Variants in ZNF446 observed in about 807,000 individuals in gnomAD.
The protein encoded by ZNF446 is zinc finger protein with KRAB and SCAN domains 20.
ZNF446 carries 42 observed loss-of-function variants against 34.0 expected under a neutral mutation model. The ratio of observed to expected loss-of-function variants is 1.23; its 90% CI spans 0.96 to 1.60. The LOEUF is 1.60. ZNF446 is among the 40% of genes most tolerant of loss of function. The pLI is 0.00. For missense variants in ZNF446, 650 were observed against 600.2 expected, an observed-to-expected ratio of 1.08 and a Z score of -0.87; for synonymous variants, 315 against 251.0, an observed-to-expected ratio of 1.25 and a Z score of -2.41.
At chr19:58,482,344 C>G (rs2122455024), downstream of ZNF446, among the ~76,000 whole-genome samples, 1 of 152,278 alleles carries the variant, frequency 6.6e-6, no homozygotes. Flanking sequence ...CACACTTAGT[C>G]ACACCGCAGA....
At chr19:58,481,349 T>A (rs2053138841), downstream of ZNF446, 1 of 152,780 alleles carries the variant, frequency 6.5e-6, no homozygotes, top group African/African-American at 2.4e-5. Flanking sequence ...GCCAAACCTC[T>A]GTTGCCACAG....
At chr19:58,481,768 T>TA (rs957913314), downstream of ZNF446, among the ~76,000 whole-genome samples, 1 of 151,146 alleles carries the variant, frequency 6.6e-6, no homozygotes, top group African/African-American at 2.4e-5. Flanking sequence ...CCCACTGGGC[T>TA]AAAATCAAGG....
At position 58,478,197 on chromosome 19, in the gene ZNF446, T is replaced by C. The variant is rs1365720226; in HGVS notation, c.627+16T>C. The C allele has an allele frequency of 6.2e-7, 1 of 1,611,730 alleles. No individual in the cohort carries two copies. The highest frequency in any genetic ancestry group is 8.5e-7 in the Non-Finnish European group (1 of 1,178,624). On this transcript the variant is annotated intron_variant, in intron 4 of 6. Coordinates refer to ENST00000594369, the MANE Select transcript of ZNF446 (RefSeq NM_017908.4). Reference sequence around the variant, plus strand: ...CAGGATTCAGGTGAGCAGCCCCAAGTGGGAAGTATAGGCCCCAGGTGTGAG... The same window carrying C: ...CAGGATTCAGGTGAGCAGCCCCAAGCGGGAAGTATAGGCCCCAGGTGTGAG...
chr19:58,477,261 CCA>C lies in ZNF446; in HGVS notation c.44_45del (p.Pro15ArgfsTer5). On this transcript the variant is annotated frameshift_variant, in exon 2 of 7. Transcript: ENST00000594369. LOFTEE classifies it high-confidence loss of function. ...TCCCCCATGCCTGCCCGTCATGGAC[CCA>C]GAGACCACCCTTGAGGAGCCTGAGA... ...LGPPCLPVMD[P>X]ETTLEEPETA... is the part of the protein sequence containing the mutation. The C allele has an allele frequency of 6.2e-7, 1 of 1,604,364 alleles. No individual in the cohort carries two copies. The highest frequency in any genetic ancestry group is 1.1e-5 in the South Asian group (1 of 90,382).
rs150315167 is a variant in ZNF446 at position 58,477,509 on chromosome 19, C to T, written c.291C>T (p.Ala97=). The T allele has an allele frequency of 8.7e-6, 14 of 1,612,976 alleles. No individual in the cohort carries two copies. Among genetic ancestry groups the T allele is most frequent in the African/African-American group, 2.7e-5 (2 of 74,938 alleles). Residue 97 remains alanine (A), a synonymous_variant, in exon 2 of 7, where the codon GCC becomes GCT. Coordinates refer to ENST00000594369, the MANE Select transcript of ZNF446 (RefSeq NM_017908.4). ...AGCGGCCAGGCAGTCCTGAGGAGGC[C>T]GCTGCCCTAGTCGAAGGACTGCAGC... ...RGQRPGSPEE[A]AALVEGLQHD... is the part of the protein sequence containing the mutation.
the ZNF446 span, among the ~76,000 whole-genome samples, chr19:58,488,286 G>A: frequency 2.1e-5 from 3 of 140,724 alleles, no homozygotes; most frequent in East Asian, 2.2e-4. Flanking sequence ...TGCCTTGCTC[G>A]TGGCCACACA....
intron 1 of ZNF446, 84 bp from the exon 2 acceptor site, chr19:58,477,095 C>T (rs533828893): frequency 2.4e-6 from 2 of 841,308 alleles, no homozygotes; most frequent in East Asian, 4.9e-5. Flanking sequence ...TGGTCCTGGT[C>T]TCAGCCCCCT....
chr19:58,482,725 C>T (rs181178765), downstream of ZNF446, among the ~76,000 whole-genome samples: 6 of 152,262 alleles, frequency 3.9e-5, no homozygotes, highest in East Asian at 1.9e-4. Context: ...TGCAGGGCTC[C>T]GGAAGCAGGG....
rs762853778 is a variant in ZNF446, at chr19:58,480,465, G to T, written c.1092G>T (p.Gly364=). The T allele has an allele frequency of 9.8e-5, 158 of 1,612,830 alleles. 1 individual carries two copies. The highest frequency in any genetic ancestry group is 1.3e-4 in the Non-Finnish European group (150 of 1,179,972). The change falls in exon 7 of 7, where the codon GGG becomes GGT. Residue 364 remains glycine (G), a synonymous_variant. Coordinates refer to ENST00000594369, the MANE Select transcript of ZNF446 (RefSeq NM_017908.4). This position sits in a 1 kb window ranked among gnomAD's most constrained non-coding sequence, Gnocchi z 7.2. ...HTSGPGVQSP[G]LATGESTEKP... is the part of the protein sequence containing the mutation. ...GTGGGCCAGGTGTGCAGTCCCCGGG[G>T]CTAGCCACCGGGGAAAGCACAGAGA...
Position 58,479,909 on chromosome 19 carries a change from CTG to C in ZNF446, c.713-18_713-17del. The stretch of plus-strand genomic sequence containing the variant: ...TCCTTCATGCAAACCCCATGCCTAA[CTG>C]TGCCCCCCACCCGGGCAGGGTTACC... On this transcript the variant is annotated intron_variant, in intron 5 of 6. Coordinates refer to ENST00000594369, the MANE Select transcript of ZNF446 (RefSeq NM_017908.4). 6.4e-7 allele frequency: 1 copy of C among 1,550,570 alleles called. No individual in the cohort carries two copies. Among genetic ancestry groups the C allele is most frequent in the Non-Finnish European group, 8.7e-7 (1 of 1,148,816 alleles).
At chr19:58,486,863 T>C in the ZNF446 span, among the ~76,000 whole-genome samples, 5 of 150,264 alleles carry the variant, frequency 3.3e-5, no homozygotes, top group African/African-American at 7.4e-5. Flanking sequence ...AGTGCAGTGG[T>C]GCGATCTTGG....
rs1439075621 is a variant in ZNF446 at position 58,480,649 on chromosome 19, A to C, written c.1276A>C (p.Ser426Arg). 5.0e-6 allele frequency: 8 copies of C among 1,611,568 alleles called. No individual in the cohort carries two copies. The highest frequency in any genetic ancestry group is 5.9e-6 in the Non-Finnish European group (7 of 1,179,770). ...SHTGQRRHFC[S>R]DCGRAFDWKS... The stretch of plus-strand genomic sequence containing the variant: ...CACAGGCCAGCGGCGTCACTTCTGC[A>C]GTGACTGTGGCCGCGCCTTCGACTG... The change falls in exon 7 of 7, where the codon AGT becomes CGT. Residue 426 changes from serine to arginine, a missense_variant. Ser to Arg is a moderately radical substitution (Grantham distance 110). Transcript: ENST00000594369. This position sits in a 1 kb window ranked among gnomAD's most constrained non-coding sequence, Gnocchi z 7.2.
chr19:58,484,485 G>A (rs2053159397), downstream of ZNF446, among the ~76,000 whole-genome samples: 3 of 146,998 alleles, frequency 2.0e-5, no homozygotes, highest in Admixed American at 2.0e-4. Flanking sequence ...AAAAAAAAGT[G>A]TTGGCAGGGC....
intron 4 of ZNF446, among the ~76,000 whole-genome samples, chr19:58,478,938 G>A (rs1005265249): frequency 1.3e-5 from 2 of 152,142 alleles, no homozygotes; most frequent in Non-Finnish European, 2.9e-5. Context: ...TCTCCTAGGG[G>A]TTTCTTCAGA....
In ZNF446 at chr19:58,477,485, G is replaced by C. The variant is rs748516168; in HGVS notation, c.267G>C (p.Gln89His). ...AGATCCAGGCCTGGGTGCGCGGTCA[G>C]CGGCCAGGCAGTCCTGAGGAGGCCG... ...PPEIQAWVRG[Q>H]RPGSPEEAAA... The change falls in exon 2 of 7, where the codon CAG (glutamine) becomes CAC (histidine). Residue 89 changes from glutamine (Q) to histidine (H), a missense_variant. Gln to His is a conservative substitution (Grantham distance 24). Transcript: ENST00000594369. 6.2e-7 allele frequency: 1 copy of C among 1,613,588 alleles called. No individual in the cohort carries two copies. Among genetic ancestry groups the C allele is most frequent in the Non-Finnish European group, 8.5e-7 (1 of 1,180,000 alleles).
At position 58,480,734 on chromosome 19, in the gene ZNF446, G is replaced by A. The variant is rs374472449; in HGVS notation, c.*8G>A. On this transcript the variant is annotated 3_prime_UTR_variant, in exon 7 of 7. Coordinates refer to ENST00000594369, the MANE Select transcript of ZNF446 (RefSeq NM_017908.4). This position sits in a 1 kb window ranked among gnomAD's most constrained non-coding sequence, Gnocchi z 7.2. ...CGGCCGGAGGTTCCATGAGCAGCCA[G>A]ACAGCACAGTCCCTCGGGGCCTCGG... 2.1e-5 allele frequency: 33 copies of A among 1,598,754 alleles called. No individual in the cohort carries two copies. The African/African-American group carries it at 3.9e-4, about 19-fold the overall frequency.
the ZNF446 span, among the ~76,000 whole-genome samples, chr19:58,486,890 C>T: frequency 1.3e-5 from 2 of 151,818 alleles, no homozygotes; most frequent in South Asian, 2.1e-4. Context: ...GCAAGCTCCG[C>T]CTCCTGGGTT....
Position 58,477,299 on chromosome 19 carries a change from C to T in ZNF446, c.81C>T (p.Leu27=), listed in dbSNP as rs1369301410. ...TTLEEPETAR[L]RFRGFCYQEV... is the part of the protein sequence containing the mutation. ...TTGAGGAGCCTGAGACTGCCCGCCT[C>T]CGCTTCCGAGGGTTCTGCTACCAGG... Residue 27 remains leucine, a synonymous_variant, in exon 2 of 7, where the codon CTC becomes CTT. Coordinates refer to ENST00000594369, the MANE Select transcript of ZNF446 (RefSeq NM_017908.4). 1 of 1,612,902 alleles carries T rather than the reference C, an allele frequency of 6.2e-7. No individual in the cohort carries two copies. Among genetic ancestry groups the T allele is most frequent in the Non-Finnish European group, 8.5e-7 (1 of 1,179,840 alleles).
In ZNF446 at chr19:58,480,531, A is replaced by C; in HGVS notation, c.1158A>C (p.Arg386=). The C allele has an allele frequency of 6.2e-7, 1 of 1,612,598 alleles. No homozygotes were observed. The highest frequency in any genetic ancestry group is 1.1e-5 in the South Asian group (1 of 91,066). ...AGGTGGCCTTTCCGCACCACCCCCG[A>C]CGCTCACTCACAGGCCCCCGGAGTT... The part of the protein sequence containing the change: ...QGEVAFPHHP[R]RSLTGPRSYP... The change falls in exon 7 of 7, where the codon CGA becomes CGC. Residue 386 remains arginine (R), a synonymous_variant. Transcript: ENST00000594369. The surrounding 1 kb of genome is among the most constrained non-coding windows in gnomAD (Gnocchi z 7.2).
Sources: allele counts gnomAD v4.1 joint callset (sites outside exome capture counted in the v4.1 genomes callset), GRCh38; gene constraint gnomAD v4.1.1; non-coding constraint Gnocchi (gnomAD v3.1); transcripts MANE v1.5; gene names NCBI Gene and HGNC (gene_info 2026-07-23, HGNC 2026-07-21).